The following JMJD1C variants were observed in gnomAD, a reference collection of about 807,000 sequenced individuals.
JMJD1C encodes the protein jumonji domain containing 1C, also known as jumonji domain-containing protein 1C.
JMJD1C carries 31 observed loss-of-function variants against 245.3 expected under a neutral mutation model. The observed-to-expected ratio is 0.13, with a 90% CI of 0.09 to 0.17. The LOEUF (loss-of-function observed/expected upper bound fraction) is 0.17, where lower values mean the gene tolerates loss of function less well. Among genes scored for constraint, JMJD1C ranks in the 10% least tolerant of loss-of-function variants. The pLI is 1.00. For synonymous variants in JMJD1C, 1,057 were observed against 1,017.4 expected (o/e 1.04, Z -0.74); for missense variants, 2,691 against 3,000.2 (o/e 0.90, Z 2.41).
At chr10:63,267,662 A>T (rs1855756689) in intron 2 of JMJD1C, among the ~76,000 whole-genome samples, 1 of 152,220 alleles carries the variant, frequency 6.6e-6, no homozygotes, top group Non-Finnish European at 1.5e-5. Context: ...ATGCTCTAAA[A>T]AGCCTTTGAA....
chr10:63,188,768 G>C (rs902088381), intron 18 of JMJD1C, among the ~76,000 whole-genome samples: 4 of 152,064 alleles, frequency 2.6e-5, no homozygotes, highest in Non-Finnish European at 5.9e-5. Flanking sequence ...AAATATTACA[G>C]ATAAGAACAT....
chr10:63,316,288 ATC>A (rs767005312), intron 2 of JMJD1C, among the ~76,000 whole-genome samples: 4 of 152,182 alleles, frequency 2.6e-5, no homozygotes, highest in Non-Finnish European at 5.9e-5. Context: ...TAATTTTCAT[ATC>A]TGTTTTTCCG....
chr10:63,365,446 A>T (rs1012320371), intron 2 of JMJD1C, among the ~76,000 whole-genome samples: 2 of 152,190 alleles, frequency 1.3e-5, no homozygotes, highest in African/African-American at 4.8e-5. Context: ...CAAAAAATAC[A>T]AATGTTTTTC....
At chr10:63,454,970 T>C (rs1187327840) in intron 1 of JMJD1C, among the ~76,000 whole-genome samples, 1 of 152,200 alleles carries the variant, frequency 6.6e-6, no homozygotes, top group Non-Finnish European at 1.5e-5. Flanking sequence ...CCTGTTGTAT[T>C]GTATCGCAAC....
chr10:63,376,275 A>T (rs1432248782), intron 2 of JMJD1C, among the ~76,000 whole-genome samples: 1 of 152,228 alleles, frequency 6.6e-6, no homozygotes, highest in African/African-American at 2.4e-5. Flanking sequence ...TTCCAAACTT[A>T]AAATCAATTA....
intron 1 of JMJD1C, among the ~76,000 whole-genome samples, chr10:63,390,946 C>A (rs1048536430): frequency 2.6e-5 from 4 of 152,122 alleles, no homozygotes; most frequent in Admixed American, 1.3e-4. Context: ...AACAAAAAAG[C>A]CGCCACTCTC....
intron 2 of JMJD1C, among the ~76,000 whole-genome samples, chr10:63,306,248 C>T (rs1217743705): frequency 6.6e-6 from 1 of 152,088 alleles, no homozygotes; most frequent in African/African-American, 2.4e-5. Context: ...TGCTACCACA[C>T]CGGGCTAATT....
At chr10:63,239,264 G>A (rs996500745) in intron 3 of JMJD1C, among the ~76,000 whole-genome samples, 13 of 152,184 alleles carry the variant, frequency 8.5e-5, no homozygotes, top group Non-Finnish European at 1.3e-4. Context: ...GGACAGCAGA[G>A]TAGGTGAGGA....
chr10:63,450,111 T>TCAAAAAA (rs909164751), intron 1 of JMJD1C, among the ~76,000 whole-genome samples: 1 of 151,284 alleles, frequency 6.6e-6, no homozygotes, highest in Non-Finnish European at 1.5e-5. Flanking sequence ...AGACCCTGTC[T>TCAAAAAA]CAAAAAACAA....
chr10:63,479,375 C>A (rs373896105), intron 1 of JMJD1C, among the ~76,000 whole-genome samples: 1 of 150,094 alleles, frequency 6.7e-6, no homozygotes. Context: ...AAAGACTTTT[C>A]TTTAAAGTAA....
intron 1 of JMJD1C, among the ~76,000 whole-genome samples, chr10:63,384,847 G>T (rs1947467879): frequency 6.6e-6 from 1 of 152,286 alleles, no homozygotes; most frequent in Middle Eastern, 3.4e-3. Flanking sequence ...GTTTACTGGA[G>T]TAGCACTTTT....
At chr10:63,438,092 T>TA (rs921545711) in intron 1 of JMJD1C, among the ~76,000 whole-genome samples, 2 of 152,156 alleles carry the variant, frequency 1.3e-5, no homozygotes, top group African/African-American at 4.8e-5. Context: ...ACAAACATGA[T>TA]ACTTTAAGTA....
At chr10:63,450,577 T>G (rs1951996565) in intron 1 of JMJD1C, among the ~76,000 whole-genome samples, 1 of 152,054 alleles carries the variant, frequency 6.6e-6, no homozygotes, top group Admixed American at 6.6e-5. Flanking sequence ...GAAAAAAAAT[T>G]TTATGATCAT....
chr10:63,472,069 A>T (rs550836858), intron 1 of JMJD1C, among the ~76,000 whole-genome samples: 50 of 152,202 alleles, frequency 3.3e-4, no homozygotes, highest in African/African-American at 1.1e-3. Flanking sequence ...CAAACAGTCT[A>T]TCAAAACTAA....
chr10:63,282,785 C>T (rs1350185341), intron 2 of JMJD1C, among the ~76,000 whole-genome samples: 3 of 151,986 alleles, frequency 2.0e-5, no homozygotes, highest in African/African-American at 2.4e-5. Flanking sequence ...GGCGCGATCT[C>T]GGCTCACTGC....
chr10:63,238,824 T>C (rs936120759), intron 3 of JMJD1C, among the ~76,000 whole-genome samples: 2 of 152,198 alleles, frequency 1.3e-5, no homozygotes, highest in Admixed American at 1.3e-4. Flanking sequence ...AGGAATATAT[T>C]TCATTCAACA....
At chr10:63,201,543 A>C (rs753405117) in intron 10 of JMJD1C, among the ~76,000 whole-genome samples, 6 of 152,204 alleles carry the variant, frequency 3.9e-5, no homozygotes, top group Non-Finnish European at 7.3e-5. Context: ...GGCTCAAGAA[A>C]TCCGTCATCT....
intron 1 of JMJD1C, among the ~76,000 whole-genome samples, chr10:63,392,262 A>C (rs1383221843): frequency 6.6e-6 from 1 of 152,182 alleles, no homozygotes; most frequent in Non-Finnish European, 1.5e-5. Flanking sequence ...AAACTATAAA[A>C]CTACTAGAAG....
intron 13 of JMJD1C, among the ~76,000 whole-genome samples, chr10:63,195,754 C>T (rs972840103): frequency 4.0e-5 from 6 of 151,696 alleles, no homozygotes; most frequent in Admixed American, 1.3e-4. Context: ...CGGTGAAAAC[C>T]CGTCCCTACT....
Sources: gnomAD v4.1 joint callset for allele counts (sites outside exome capture counted in the v4.1 genomes callset) on GRCh38, gnomAD v4.1.1 for gene constraint, MANE v1.5 for transcripts, NCBI Gene and HGNC (gene_info 2026-07-23, HGNC 2026-07-21) for gene names.